Variants in MYLK4 observed in about 807,000 individuals in gnomAD.
MYLK4 encodes the protein myosin light chain kinase family member 4, also known as caMLCK like.
MYLK4 carries 46 observed loss-of-function variants against 48.1 expected under a neutral mutation model. That is an observed-to-expected ratio of 0.96 (90% CI 0.75 to 1.22). The LOEUF (loss-of-function observed/expected upper bound fraction) is 1.22, where lower values mean the gene tolerates loss of function less well. Among genes scored for constraint, MYLK4 ranks in the 50% most tolerant of loss-of-function variants. The pLI, the probability that MYLK4 is intolerant of heterozygous loss-of-function variation, is 0.00. For synonymous variants in MYLK4, 170 were observed against 180.8 expected (o/e 0.94, Z 0.48); for missense variants, 451 against 486.1 (o/e 0.93, Z 0.68).
intron 3 of MYLK4, among the ~76,000 whole-genome samples, chr6:2,690,823 C>CTTTTT (rs35133716): frequency 0.076 from 6,795 of 88,892 alleles, 743 homozygotes; most frequent in East Asian, 0.13. Flanking sequence ...CTCTCTGAAT[C>CTTTTT]TTTTTTTTTT....
chr6:2,743,957 A>T lies in MYLK4; in HGVS notation c.159+5179T>A, dbSNP rs1007017913. 1.7e-4 allele frequency: 68 copies of T among 398,630 alleles called. No individual in the cohort carries two copies. The Middle Eastern group carries it at 3.1e-3, about 18-fold the overall frequency. The allele number at this position is 398,630 out of a possible 1,614,324, so 24.7% of individuals were successfully genotyped here. A position where few individuals can be genotyped will look rare whatever the true frequency, so the allele number is the denominator to read the frequency against. The stretch of plus-strand genomic sequence containing the variant: ...TCCCCGGGTCATCACGAACCGGATC[A>T]AGCACCAGAGAACTGAAGACGAGAG... On this transcript the variant is annotated intron_variant, in intron 2 of 12. Coordinates refer to ENST00000274643, the MANE Select transcript of MYLK4 (RefSeq NM_001012418.5).
At chr6:2,763,904 T>C in the MYLK4 span, among the ~76,000 whole-genome samples, 1 of 151,822 alleles carries the variant, frequency 6.6e-6, no homozygotes, top group South Asian at 2.1e-4. Flanking sequence ...CCCAGCACTT[T>C]GGGAGACCGA....
chr6:2,767,378 A>G, the MYLK4 span, among the ~76,000 whole-genome samples: 1 of 152,228 alleles, frequency 6.6e-6, no homozygotes, highest in African/African-American at 2.4e-5. Flanking sequence ...TGTAGCTTTG[A>G]GATTCAGACT....
chr6:2,695,251 G>T (rs576186500), intron 2 of MYLK4, among the ~76,000 whole-genome samples: 6 of 152,222 alleles, frequency 3.9e-5, no homozygotes, highest in African/African-American at 1.4e-4. Flanking sequence ...TGTGCTTCTG[G>T]GTTTATTCTG....
At chr6:2,765,694 G>A in the MYLK4 span, 21 of 1,549,364 alleles carry the variant, frequency 1.4e-5, no homozygotes, top group Admixed American at 1.1e-4. Flanking sequence ...CCGTGTGCCA[G>A]CAGATGATGC....
intron 2 of MYLK4, among the ~76,000 whole-genome samples, chr6:2,716,348 G>C (rs914936887): frequency 6.6e-6 from 1 of 152,222 alleles, no homozygotes; most frequent in South Asian, 2.1e-4. Context: ...GCTAGGAGCA[G>C]AATGTGTTTA....
the MYLK4 span, among the ~76,000 whole-genome samples, chr6:2,758,742 T>C: frequency 6.6e-6 from 1 of 152,248 alleles, no homozygotes. Context: ...GTTTGTATTA[T>C]TTTCTTAGTT....
At position 2,664,809 on chromosome 6, in the gene MYLK4, ATTG is replaced by A. The variant is rs1447318243; in HGVS notation, c.*3113_*3115del. ...GAGTGTTACCAGCTTCAACCTAGAA[ATTG>A]TTTCCCCAAGTTAGTTCAGATGAGA... On this transcript the variant is annotated 3_prime_UTR_variant, in exon 13 of 13. Coordinates refer to ENST00000274643, the MANE Select transcript of MYLK4 (RefSeq NM_001012418.5). 1 of 152,202 alleles carries A rather than the reference ATTG, an allele frequency of 6.6e-6. No individual in the cohort carries two copies. Among genetic ancestry groups the A allele is most frequent in the African/African-American group, 2.4e-5 (1 of 41,464 alleles). The allele number at this position is 152,202 out of a possible 1,614,324, so 9.4% of individuals were successfully genotyped here.
chr6:2,686,459 C>G (rs759180796), intron 4 of MYLK4, among the ~76,000 whole-genome samples: 63 of 152,250 alleles, frequency 4.1e-4, no homozygotes, highest in Admixed American at 7.2e-4. Context: ...TAATCACATA[C>G]AGATGTGCAC....
At chr6:2,697,453 C>T (rs763856624) in intron 2 of MYLK4, among the ~76,000 whole-genome samples, 120 of 152,214 alleles carry the variant, frequency 7.9e-4, no homozygotes, top group Non-Finnish European at 1.2e-3. Context: ...CATTTACTGC[C>T]ATAGGATCCA....
At chr6:2,768,448 C>T in the MYLK4 span, among the ~76,000 whole-genome samples, 1 of 152,168 alleles carries the variant, frequency 6.6e-6, no homozygotes, top group Admixed American at 6.5e-5. Context: ...TGGTTAGGGA[C>T]AGAGGAGAAA....
upstream of MYLK4, among the ~76,000 whole-genome samples, chr6:2,754,341 G>A (rs1040140305): frequency 3.9e-5 from 6 of 152,124 alleles, no homozygotes; most frequent in East Asian, 3.9e-4. Flanking sequence ...GGAATACTAC[G>A]TAATTAAAAG....
chr6:2,723,008 G>A (rs1178643587), intron 2 of MYLK4, among the ~76,000 whole-genome samples: 1 of 152,020 alleles, frequency 6.6e-6, no homozygotes, highest in African/African-American at 2.4e-5. Context: ...TTAAAAAGCT[G>A]AGTCTGGGCA....
chr6:2,713,535 A>T lies in MYLK4; in HGVS notation c.160-20676T>A, dbSNP rs554024876. Among the ~76,000 whole-genome samples the T allele has an allele frequency of 3.3e-5, 5 of 152,304 alleles. No individual in the cohort carries two copies. The East Asian group carries it at 9.6e-4, about 29-fold the overall frequency. Reference sequence around the variant, plus strand: ...AGGTTCTGTGTGTGTCTCAGTGTGGAGTCTTTGCCACTGCTTGGTGAAATA... The same window carrying T: ...AGGTTCTGTGTGTGTCTCAGTGTGGTGTCTTTGCCACTGCTTGGTGAAATA... On this transcript the variant is annotated intron_variant, in intron 2 of 12. Transcript: ENST00000274643.
intron 2 of MYLK4, among the ~76,000 whole-genome samples, chr6:2,701,158 T>A (rs961656766): frequency 1.3e-5 from 2 of 152,174 alleles, no homozygotes; most frequent in Non-Finnish European, 2.9e-5. Flanking sequence ...TCGCATGAAG[T>A]TTACAGTGTT....
At chr6:2,765,753 C>T in the MYLK4 span, 12 of 1,494,764 alleles carry the variant, frequency 8.0e-6, no homozygotes, top group South Asian at 1.2e-5. Context: ...CTGCTCCACC[C>T]GGCGGGGCAC....
At chr6:2,734,100 G>A (rs1318686967) in intron 2 of MYLK4, among the ~76,000 whole-genome samples, 2 of 152,074 alleles carry the variant, frequency 1.3e-5, no homozygotes, top group Non-Finnish European at 2.9e-5. Context: ...TAAAACCAGC[G>A]ACAGTAGAAT....
At chr6:2,735,722 A>G (rs912475226) in intron 2 of MYLK4, among the ~76,000 whole-genome samples, 1 of 152,226 alleles carries the variant, frequency 6.6e-6, no homozygotes, top group African/African-American at 2.4e-5. Flanking sequence ...TATGTAGTCG[A>G]TGCAAACTGG....
chr6:2,741,059 T>G (rs1362567917), intron 2 of MYLK4, among the ~76,000 whole-genome samples: 2 of 151,864 alleles, frequency 1.3e-5, no homozygotes, highest in African/African-American at 4.8e-5. Context: ...AAAACCATGA[T>G]TTCACTTTAT....
Sources: gnomAD v4.1 joint callset for allele counts (sites outside exome capture counted in the v4.1 genomes callset) on GRCh38, gnomAD v4.1.1 for gene constraint, MANE v1.5 for transcripts, NCBI Gene and HGNC (gene_info 2026-07-23, HGNC 2026-07-21) for gene names.